VPS13B: variants seen among roughly 807,000 people sequenced by gnomAD.
VPS13B encodes vacuolar protein sorting 13 homolog B, also known as intermembrane lipid transfer protein VPS13B.
VPS13B carries 285 observed loss-of-function variants against 426.4 expected under a neutral mutation model. That is an observed-to-expected ratio of 0.67 (90% CI 0.61 to 0.74). VPS13B has a LOEUF of 0.74. VPS13B is among the 30% of genes least tolerant of loss of function. VPS13B has a pLI of 0.00. For missense variants in VPS13B, 4,537 were observed against 4,782.6 expected, an observed-to-expected ratio of 0.95 and a Z score of 1.51; for synonymous variants, 1,676 against 1,676.4, an observed-to-expected ratio of 1.00 and a Z score of 0.01.
chr8:99,176,054 T>A (rs990891298), intron 16 of VPS13B, among the ~76,000 whole-genome samples: 1 of 152,198 alleles, frequency 6.6e-6, no homozygotes, highest in Non-Finnish European at 1.5e-5. Context: ...ACAGTATGAC[T>A]GTGTATTGCA....
At position 99,877,278 on chromosome 8, in the gene VPS13B, G is replaced by A. The variant is rs913872776; in HGVS notation, c.*1612G>A. On this transcript the variant is annotated 3_prime_UTR_variant, in exon 62 of 62. Transcript: ENST00000357162. ...AAAAATGTCTCTTTCAGTTTGTTCT[G>A]TAAATATTTAGAAAAGTGACAGCTG... 6.6e-6 allele frequency: 1 copy of A among 152,600 alleles called. No homozygotes were observed. The highest frequency in any genetic ancestry group is 2.1e-4 in the South Asian group (1 of 4,832). The allele number at this position is 152,600 out of a possible 1,614,324, so 9.5% of individuals were successfully genotyped here.
intron 17 of VPS13B, among the ~76,000 whole-genome samples, chr8:99,202,437 A>G (rs923633827): frequency 1.3e-5 from 2 of 152,172 alleles, no homozygotes; most frequent in Non-Finnish European, 2.9e-5. Flanking sequence ...TGACAATGCA[A>G]TGGGATATCT....
chr8:99,832,324 G>C, intron 51 of VPS13B, 45 bp from the exon 52 acceptor site: 1 of 1,441,344 alleles, frequency 6.9e-7, no homozygotes, highest in East Asian at 2.8e-5. Context: ...TATTACTGTA[G>C]CTAATGTGCT....
chr8:99,717,427 A>AT, intron 37 of VPS13B, 54 bp downstream of exon 37: 1 of 1,485,154 alleles, frequency 6.7e-7, no homozygotes, highest in Non-Finnish European at 9.4e-7. Flanking sequence ...GCCTCTGTTC[A>AT]TTTTTTGAAC....
chr8:99,113,412 G>C (rs376759891), intron 6 of VPS13B, among the ~76,000 whole-genome samples: 23 of 151,234 alleles, frequency 1.5e-4, no homozygotes, highest in African/African-American at 5.3e-4. Context: ...TGAGTTTTTT[G>C]TTAATACTAT....
intron 39 of VPS13B, among the ~76,000 whole-genome samples, chr8:99,735,748 G>A (rs1201103047): frequency 2.0e-5 from 3 of 152,200 alleles, no homozygotes; most frequent in Non-Finnish European, 4.4e-5. Context: ...AGGCCGTGGA[G>A]GCAACAGTGT....
At chr8:99,038,400 T>C (rs377339717) in intron 2 of VPS13B, 23 bp from the exon 3 acceptor site, 42 of 1,573,764 alleles carry the variant, frequency 2.7e-5, no homozygotes, top group Non-Finnish European at 3.6e-5. Context: ...TACTAATTTT[T>C]ATGTAATGTT....
chr8:99,590,586 G>A (rs188158710), intron 33 of VPS13B, among the ~76,000 whole-genome samples: 38 of 152,144 alleles, frequency 2.5e-4, no homozygotes, highest in African/African-American at 8.7e-4. Context: ...CCTTCATTTC[G>A]TTATTTACCA....
intron 54 of VPS13B, among the ~76,000 whole-genome samples, chr8:99,841,434 G>C (rs1488164132): frequency 6.6e-6 from 1 of 152,180 alleles, no homozygotes; most frequent in Admixed American, 6.5e-5. Context: ...TAGAGTCTCT[G>C]CATCAGTTAA....
intron 16 of VPS13B, among the ~76,000 whole-genome samples, chr8:99,185,195 G>A (rs918418887): frequency 6.6e-6 from 1 of 152,104 alleles, no homozygotes; most frequent in Non-Finnish European, 1.5e-5. Context: ...ACACCTATGT[G>A]TATATTCTCA....
intron 36 of VPS13B, among the ~76,000 whole-genome samples, chr8:99,706,007 T>C (rs1320299239): frequency 6.6e-6 from 1 of 152,070 alleles, no homozygotes; most frequent in African/African-American, 2.4e-5. Flanking sequence ...GATAACCATC[T>C]CTGACTTTTT....
intron 21 of VPS13B, among the ~76,000 whole-genome samples, chr8:99,414,005 C>T (rs1359849933): frequency 2.0e-5 from 3 of 152,194 alleles, no homozygotes; most frequent in Non-Finnish European, 2.9e-5. Flanking sequence ...TCTCATTGAT[C>T]TGTCTAACAT....
At chr8:99,433,177 C>G (rs941650690) in intron 22 of VPS13B, among the ~76,000 whole-genome samples, 6 of 152,172 alleles carry the variant, frequency 3.9e-5, no homozygotes, top group African/African-American at 1.4e-4. Flanking sequence ...GAAGGCTGCA[C>G]TGCCCTTCAG....
At chr8:99,076,961 C>T (rs377542137) in intron 3 of VPS13B, among the ~76,000 whole-genome samples, 15 of 151,864 alleles carry the variant, frequency 9.9e-5, no homozygotes, top group Admixed American at 5.3e-4. Context: ...TTTGTGGTTT[C>T]GTGTTTTTCT....
At chr8:99,859,515 C>T in intron 57 of VPS13B, 35 bp downstream of exon 57, 3 of 1,596,366 alleles carry the variant, frequency 1.9e-6, no homozygotes, top group Non-Finnish European at 2.6e-6. Context: ...AATGCCTTCA[C>T]TCCTTCCCTT....
chr8:99,396,247 CAT>C (rs924547626), intron 21 of VPS13B, among the ~76,000 whole-genome samples: 14 of 151,468 alleles, frequency 9.2e-5, no homozygotes, highest in African/African-American at 2.9e-4. Flanking sequence ...TATATGTATA[CAT>C]ATATATATAT....
chr8:99,104,066 G>A (rs993399623), intron 5 of VPS13B, among the ~76,000 whole-genome samples: 2 of 152,128 alleles, frequency 1.3e-5, no homozygotes, highest in Non-Finnish European at 1.5e-5. Context: ...CATCTTAGGC[G>A]ATTTTGTTGT....
Position 99,163,689 on chromosome 8 carries a change from C to T in VPS13B, c.2209-6350C>T, listed in dbSNP as rs530513197. On this transcript the variant is annotated intron_variant, in intron 15 of 61. Transcript: ENST00000357162. ...GGGCCAGCAGGGCTGGCTGGCTGCT[C>T]TGAGTGCGGAGCCCACCAAGCCCAT... Among the ~76,000 whole-genome samples, 4 of 152,348 alleles carry T rather than the reference C, an allele frequency of 2.6e-5. No individual in the cohort carries two copies. The South Asian group carries it at 8.3e-4, about 32-fold the overall frequency.
chr8:99,840,569 A>G (rs1020222603), intron 54 of VPS13B, among the ~76,000 whole-genome samples: 3 of 152,204 alleles, frequency 2.0e-5, no homozygotes, highest in Non-Finnish European at 4.4e-5. Flanking sequence ...CACTTCCCGA[A>G]TGCATGGGGT....
Sources: gnomAD v4.1 joint callset for allele counts (sites outside exome capture counted in the v4.1 genomes callset) on GRCh38, gnomAD v4.1.1 for gene constraint, MANE v1.5 for transcripts, NCBI Gene and HGNC (gene_info 2026-07-23, HGNC 2026-07-21) for gene names.